PLCG2: variants seen among roughly 807,000 people sequenced by gnomAD.
PLCG2 encodes phospholipase C gamma 2, also known as 1-phosphatidylinositol 4,5-bisphosphate phosphodiesterase gamma-2.
A neutral mutation model predicts 175.6 loss-of-function variants in PLCG2; 69 were observed. That is an observed-to-expected ratio of 0.39 (90% confidence interval 0.32 to 0.48). PLCG2 has a LOEUF of 0.48. Ranked by LOEUF, PLCG2 falls within the 20% of genes least tolerant of loss-of-function variation. PLCG2 has a pLI of 0.91. For synonymous variants in PLCG2, 827 were observed against 624.0 expected (o/e 1.33, Z -4.85); for missense variants, 1,798 against 1,650.9 (o/e 1.09, Z -1.54).
chr16:81,832,458 C>T (rs1199893826), intron 2 of PLCG2, among the ~76,000 whole-genome samples: 2 of 152,206 alleles, frequency 1.3e-5, no homozygotes, highest in African/African-American at 2.4e-5. Context: ...GGCATGATCA[C>T]GGCTCACTGC....
chr16:81,921,466 C>T, intron 21 of PLCG2, 197 bp downstream of exon 21: 1 of 627,270 alleles, frequency 1.6e-6, no homozygotes, highest in Non-Finnish European at 2.9e-6. Flanking sequence ...TAATAGAATT[C>T]CATCCAAATG....
At chr16:81,912,772 G>C in intron 19 of PLCG2, 56 bp downstream of exon 19, 1 of 1,507,352 alleles carries the variant, frequency 6.6e-7, no homozygotes, top group Non-Finnish European at 8.9e-7. Flanking sequence ...AAGGACAGAT[G>C]CGGAGAGACA....
chr16:81,949,433 T>C (rs8053418), intron 31 of PLCG2, among the ~76,000 whole-genome samples: 15,409 of 152,214 alleles, frequency 0.1, 924 homozygotes, highest in African/African-American at 0.17. Context: ...ATCAGACTTG[T>C]CCTCTTTGGT....
intron 2 of PLCG2, among the ~76,000 whole-genome samples, chr16:81,758,802 C>G (rs933331718): frequency 6.6e-6 from 1 of 151,964 alleles, no homozygotes; most frequent in Non-Finnish European, 1.5e-5. Flanking sequence ...CTCAGCCTCC[C>G]GAGTAGCTGG....
intron 2 of PLCG2, among the ~76,000 whole-genome samples, chr16:81,829,204 G>A (rs1905163448): frequency 6.6e-6 from 1 of 152,168 alleles, no homozygotes; most frequent in African/African-American, 2.4e-5. Flanking sequence ...TGTCTTCCGG[G>A]TTCAAGCGAT....
intron 30 of PLCG2, among the ~76,000 whole-genome samples, chr16:81,941,439 T>G (rs1457863972): frequency 1.3e-5 from 2 of 152,210 alleles, no homozygotes; most frequent in Non-Finnish European, 2.9e-5. Flanking sequence ...CCCCAGATGG[T>G]GCTTGGATGG....
intron 2 of PLCG2, chr16:81,767,604 G>A (rs576266616): frequency 6.6e-6 from 1 of 151,754 alleles, no homozygotes. Flanking sequence ...AATATTATTT[G>A]CATTCAGCAA....
Position 81,936,257 on chromosome 16 carries a change from C to G in PLCG2, c.2931C>G (p.Tyr977Ter), listed in dbSNP as rs1016837424. The G allele has an allele frequency of 6.2e-7, 1 of 1,614,040 alleles. No homozygotes were observed. The highest frequency in any genetic ancestry group is 1.3e-5 in the African/African-American group (1 of 74,910). Residue 977 changes from tyrosine to a stop codon, truncating the protein, a stop_gained, in exon 27 of 33, where the codon TAC becomes TAG. Coordinates refer to ENST00000564138, the MANE Select transcript of PLCG2 (RefSeq NM_002661.5). LOFTEE classifies it high-confidence loss of function. ...AGAAGCCCGTCGACCTCCTGAAGTA[C>G]AATCAAAAGGGCCTGACCCGCGTCT... ...IRQKPVDLLKYNQKGLTRVYP... is the reference protein window; with the variant it reads ...IRQKPVDLLK
chr16:81,917,867 G>A (rs1426208979), intron 19 of PLCG2, among the ~76,000 whole-genome samples: 4 of 151,936 alleles, frequency 2.6e-5, no homozygotes, highest in East Asian at 1.9e-4. Flanking sequence ...GACTACAGGT[G>A]CCCGCCACTG....
Position 81,960,041 on chromosome 16 carries a change from G to A in PLCG2, c.*2043G>A. 1 of 217,478 alleles carries A rather than the reference G, an allele frequency of 4.6e-6. No individual in the cohort carries two copies. The allele number at this position is 217,478 out of a possible 1,614,324, so 13.5% of individuals were successfully genotyped here. On this transcript the variant is annotated 3_prime_UTR_variant, in exon 33 of 33. Coordinates refer to ENST00000564138, the MANE Select transcript of PLCG2 (RefSeq NM_002661.5). The stretch of plus-strand genomic sequence containing the variant: ...TGCTGCTGTGTAAAATCCATGCGTG[G>A]CCAAAGAGAAGTCAGGGGATTATGA...
chr16:81,883,764 C>T (rs1042498235), intron 9 of PLCG2, among the ~76,000 whole-genome samples: 1 of 152,184 alleles, frequency 6.6e-6, no homozygotes, highest in Non-Finnish European at 1.5e-5. Flanking sequence ...CTGCCAGGTC[C>T]CCTGGGAGAT....
chr16:81,813,818 G>C (rs912808118), intron 2 of PLCG2, among the ~76,000 whole-genome samples: 1 of 152,222 alleles, frequency 6.6e-6, no homozygotes, highest in Admixed American at 6.5e-5. Context: ...TGGTCTCATA[G>C]TAGCTAGTCT....
intron 5 of PLCG2, among the ~76,000 whole-genome samples, chr16:81,868,136 T>C (rs1219525117): frequency 6.6e-6 from 1 of 152,246 alleles, no homozygotes; most frequent in Non-Finnish European, 1.5e-5. Context: ...CCCTGAGTTG[T>C]GTACCCATGT....
chr16:81,805,968 C>G (rs1329703097), intron 2 of PLCG2, among the ~76,000 whole-genome samples: 3 of 151,308 alleles, frequency 2.0e-5, no homozygotes, highest in South Asian at 2.1e-4. Context: ...TTTCTAGTTG[C>G]CACATTCATA....
chr16:81,956,999 CGG>C lies in PLCG2; in HGVS notation c.3755+122_3755+123del, dbSNP rs1567550030. ...GTTGCTTTCTTCAGAAATCCTTGGC[CGG>C]GCATGGTGGCTCACAGGCCAGGCAT... On this transcript the variant is annotated intron_variant, in intron 32 of 32. Coordinates refer to ENST00000564138, the MANE Select transcript of PLCG2 (RefSeq NM_002661.5). 9.3e-4 allele frequency: 741 copies of C among 800,520 alleles called. 6 individuals carry two copies. The African/African-American group carries it at 0.013, about 15-fold the overall frequency. The allele number at this position is 800,520 out of a possible 1,614,324, so 49.6% of individuals were successfully genotyped here. A position where few individuals can be genotyped will look rare whatever the true frequency, so the allele number is the denominator to read the frequency against.
chr16:81,787,705 C>G (rs1911044710), intron 2 of PLCG2, among the ~76,000 whole-genome samples: 1 of 151,942 alleles, frequency 6.6e-6, no homozygotes, highest in African/African-American at 2.4e-5. Context: ...AAGATGAAAC[C>G]CCATACCTTT....
chr16:81,873,573 A>G (rs916246693), intron 7 of PLCG2, among the ~76,000 whole-genome samples: 1 of 151,774 alleles, frequency 6.6e-6, no homozygotes, highest in African/African-American at 2.4e-5. Flanking sequence ...TTTTAATAAT[A>G]GTTTACCTTG....
At chr16:81,840,926 C>G (rs573243709) in intron 2 of PLCG2, among the ~76,000 whole-genome samples, 4 of 152,194 alleles carry the variant, frequency 2.6e-5, no homozygotes, top group Admixed American at 1.3e-4. Flanking sequence ...CCCTTCCTCC[C>G]TTGGGGATGG....
intron 2 of PLCG2, among the ~76,000 whole-genome samples, chr16:81,801,325 A>G (rs966621809): frequency 6.6e-6 from 1 of 152,182 alleles, no homozygotes; most frequent in African/African-American, 2.4e-5. Flanking sequence ...TATAATTCCC[A>G]TTTCAAAAAT....
Sources: gnomAD v4.1 joint callset for allele counts (sites outside exome capture counted in the v4.1 genomes callset) on GRCh38, gnomAD v4.1.1 for gene constraint, MANE v1.5 for transcripts, NCBI Gene and HGNC (gene_info 2026-07-23, HGNC 2026-07-21) for gene names.